The following GSG1L variants were observed in gnomAD, a reference collection of about 807,000 sequenced individuals.
GSG1L encodes the protein germ cell-specific gene 1-like protein.
GSG1L carries 24 observed loss-of-function variants against 42.1 expected under a neutral mutation model. The ratio of observed to expected loss-of-function variants is 0.57; its 90% confidence interval spans 0.41 to 0.80. GSG1L has a LOEUF of 0.80. Among genes scored for constraint, GSG1L ranks in the 30% least tolerant of loss-of-function variants. The pLI is 0.00. For missense variants in GSG1L, 445 were observed against 472.2 expected, an observed-to-expected ratio of 0.94 and a Z score of 0.53; for synonymous variants, 215 against 203.5, an observed-to-expected ratio of 1.06 and a Z score of -0.48.
In GSG1L at chr16:28,038,075, C is replaced by T. The variant is rs373444458; in HGVS notation, c.349+25001G>A. ...ACCTTACAGATGAGGAGCTAAGGCA[C>T]GGAGCAGTTAAACAATTTGCAGTTC... On this transcript the variant is annotated intron_variant, in intron 1 of 6. Coordinates refer to ENST00000447459, the MANE Select transcript of GSG1L (RefSeq NM_001109763.2). 6.6e-5 allele frequency among the ~76,000 whole-genome samples: 10 copies of T among 152,318 alleles called. 1 individual carries two copies. Among genetic ancestry groups the T allele is most frequent in the Admixed American group, 4.6e-4 (7 of 15,306 alleles).
At chr16:27,843,370 G>A (rs141661853) in intron 4 of GSG1L, among the ~76,000 whole-genome samples, 39 of 152,162 alleles carry the variant, frequency 2.6e-4, no homozygotes, top group Admixed American at 1.3e-3. Flanking sequence ...ACATACTTAA[G>A]CTAAGCCAAT....
chr16:27,890,083 G>GA (rs2084107230), intron 2 of GSG1L, among the ~76,000 whole-genome samples: 1 of 152,192 alleles, frequency 6.6e-6, no homozygotes. Context: ...GCCACTTGGA[G>GA]ACCATATTCT....
At chr16:27,813,761 C>T (rs569501992) in intron 5 of GSG1L, among the ~76,000 whole-genome samples, 5 of 152,332 alleles carry the variant, frequency 3.3e-5, no homozygotes, top group Middle Eastern at 3.4e-3. Context: ...CCCCCAATGG[C>T]GGGGCTCCCT....
chr16:27,845,088 G>C, intron 3 of GSG1L, 27 bp from the exon 4 acceptor site: 1 of 1,512,786 alleles, frequency 6.6e-7, no homozygotes. Flanking sequence ...AGAGCAAAGC[G>C]TCAGGAAGTA....
At position 27,938,422 on chromosome 16, in the gene GSG1L, C is replaced by T. The variant is rs574058358; in HGVS notation, c.397+24734G>A. On this transcript the variant is annotated intron_variant, in intron 2 of 6. Coordinates refer to ENST00000447459, the MANE Select transcript of GSG1L (RefSeq NM_001109763.2). ...AAAGGCAGAGGAGCAGAGAGAAAGA[C>T]CGCTGGCTTCTCAACTGTTCAAAAT... 2.8e-4 allele frequency among the ~76,000 whole-genome samples: 42 copies of T among 150,820 alleles called. No homozygotes were observed. In the South Asian group the frequency reaches 3.8e-3, roughly 14 times the overall value.
At chr16:27,911,984 T>G (rs1244511844) in intron 2 of GSG1L, among the ~76,000 whole-genome samples, 1 of 152,216 alleles carries the variant, frequency 6.6e-6, no homozygotes, top group Non-Finnish European at 1.5e-5. Context: ...GAACTGCGCC[T>G]GACACATAGC....
chr16:27,854,352 A>G (rs1044917180), intron 3 of GSG1L, among the ~76,000 whole-genome samples: 1 of 96,370 alleles, frequency 1.0e-5, no homozygotes. Context: ...GGACGGAAGG[A>G]GGAGGAGGGG....
chr16:27,939,651 T>C (rs1039284965), intron 2 of GSG1L, among the ~76,000 whole-genome samples: 4 of 152,170 alleles, frequency 2.6e-5, no homozygotes, highest in African/African-American at 2.4e-5. Context: ...GTATGTAATA[T>C]ATTTAGAAGA....
chr16:27,820,233 GTTC>G (rs1301850787), intron 5 of GSG1L, among the ~76,000 whole-genome samples: 1 of 152,194 alleles, frequency 6.6e-6, no homozygotes, highest in African/African-American at 2.4e-5. Flanking sequence ...GGCGGAGCGG[GTTC>G]TTCTAATATG....
chr16:27,842,781 T>C (rs1311519531), intron 4 of GSG1L, among the ~76,000 whole-genome samples: 2 of 152,054 alleles, frequency 1.3e-5, no homozygotes, highest in Non-Finnish European at 2.9e-5. Context: ...ACTGAACTGG[T>C]ATGGGGTCTT....
chr16:27,992,323 G>A (rs750436143), intron 1 of GSG1L, among the ~76,000 whole-genome samples: 4 of 152,078 alleles, frequency 2.6e-5, no homozygotes, highest in African/African-American at 4.8e-5. Context: ...GTGAAACCTC[G>A]TCTCTACTAA....
chr16:27,881,540 A>G (rs1286760232), intron 3 of GSG1L, among the ~76,000 whole-genome samples: 1 of 152,046 alleles, frequency 6.6e-6, no homozygotes, highest in Non-Finnish European at 1.5e-5. Flanking sequence ...GCACCCGGCC[A>G]AGTATCATAC....
intron 1 of GSG1L, among the ~76,000 whole-genome samples, chr16:28,023,379 A>G (rs2085866016): frequency 6.6e-6 from 1 of 152,140 alleles, no homozygotes; most frequent in African/African-American, 2.4e-5. Context: ...ATTAATGAAC[A>G]TTTTGTTTGT....
intron 6 of GSG1L, among the ~76,000 whole-genome samples, chr16:27,796,276 C>T (rs948742964): frequency 2.6e-5 from 4 of 152,172 alleles, no homozygotes; most frequent in African/African-American, 9.7e-5. Context: ...TGACCTCTGC[C>T]CTCCAGAAAG....
At chr16:27,911,266 G>GCTCTCTCT (rs71648556) in intron 2 of GSG1L, among the ~76,000 whole-genome samples, 24 of 122,130 alleles carry the variant, frequency 2.0e-4, no homozygotes, top group Non-Finnish European at 3.1e-4. Flanking sequence ...CCTCTCTCTC[G>GCTCTCTCT]CTCTCTCTCT....
intron 1 of GSG1L, among the ~76,000 whole-genome samples, chr16:28,057,980 G>T (rs989974631): frequency 1.3e-5 from 2 of 152,210 alleles, no homozygotes; most frequent in Non-Finnish European, 2.9e-5. Flanking sequence ...GGAAAGAAAA[G>T]GCCAGAAAGA....
chr16:28,043,021 T>C (rs2086124808), intron 1 of GSG1L, among the ~76,000 whole-genome samples: 1 of 152,184 alleles, frequency 6.6e-6, no homozygotes, highest in Non-Finnish European at 1.5e-5. Context: ...ATCAACAATG[T>C]AGAGTGTTAG....
At chr16:27,908,079 TG>T (rs1356269896) in intron 2 of GSG1L, among the ~76,000 whole-genome samples, 1 of 152,246 alleles carries the variant, frequency 6.6e-6, no homozygotes, top group East Asian at 1.9e-4. Flanking sequence ...AGCTCAGCCA[TG>T]GGACTTGCTT....
chr16:27,891,823 A>G (rs566151886), intron 2 of GSG1L, among the ~76,000 whole-genome samples: 4 of 148,058 alleles, frequency 2.7e-5, no homozygotes, highest in South Asian at 4.4e-4. Flanking sequence ...CTTTCATTCA[A>G]GTGTCTTCAC....
Sources: gnomAD v4.1 joint callset for allele counts (sites outside exome capture counted in the v4.1 genomes callset) on GRCh38, gnomAD v4.1.1 for gene constraint, MANE v1.5 for transcripts, NCBI Gene and HGNC (gene_info 2026-07-23, HGNC 2026-07-21) for gene names.